The following ZSCAN25 variants were observed in gnomAD, a reference collection of about 807,000 sequenced individuals.
The protein encoded by ZSCAN25 is zinc finger and SCAN domain containing 25.
A neutral mutation model predicts 38.7 loss-of-function variants in ZSCAN25; 27 were observed. The ratio of observed to expected loss-of-function variants is 0.70; its 90% CI spans 0.51 to 0.96. The LOEUF (loss-of-function observed/expected upper bound fraction) is 0.96. Ranked by LOEUF, ZSCAN25 falls within the 40% of genes least tolerant of loss-of-function variation. ZSCAN25 has a pLI of 0.00. For missense variants in ZSCAN25, 637 were observed against 705.9 expected (o/e 0.90, Z 1.11); for synonymous variants, 273 against 277.7 (o/e 0.98, Z 0.17).
At chr7:99,655,988 A>G in the ZSCAN25 span, among the ~76,000 whole-genome samples, 1 of 152,206 alleles carries the variant, frequency 6.6e-6, no homozygotes, top group Non-Finnish European at 1.5e-5. Flanking sequence ...GGCTGAGACG[A>G]TGGGGTTTTC....
the ZSCAN25 span, among the ~76,000 whole-genome samples, chr7:99,642,053 C>G: frequency 6.6e-6 from 1 of 152,224 alleles, no homozygotes; most frequent in Non-Finnish European, 1.5e-5. Flanking sequence ...GTTTTGTTTT[C>G]AGCTCCTGTT....
chr7:99,737,511 C>T, the ZSCAN25 span, among the ~76,000 whole-genome samples: 52 of 152,030 alleles, frequency 3.4e-4, no homozygotes, highest in Non-Finnish European at 6.5e-4. Flanking sequence ...GTTGCCACAC[C>T]GAGAGGTGCA....
chr7:99,660,222 T>C, the ZSCAN25 span: 1 of 906,754 alleles, frequency 1.1e-6, no homozygotes, highest in Non-Finnish European at 1.3e-6. Context: ...TCCTTTTTTT[T>C]TTTTTTTTTT....
At chr7:99,710,714 C>T in the ZSCAN25 span, 2 of 1,613,758 alleles carry the variant, frequency 1.2e-6, no homozygotes, top group South Asian at 1.1e-5. Context: ...CCTCCTTCTC[C>T]ATGTACTGTC....
chr7:99,621,106 A>G, intron 4 of ZSCAN25: 1 of 305,718 alleles, frequency 3.3e-6, no homozygotes, highest in Non-Finnish European at 5.9e-6. Flanking sequence ...TCAGCAGGAT[A>G]ATATTTGGGC....
the ZSCAN25 span, among the ~76,000 whole-genome samples, chr7:99,718,386 G>A: frequency 6.6e-6 from 1 of 152,134 alleles, no homozygotes; most frequent in East Asian, 1.9e-4. Context: ...AGAAGAAAGA[G>A]ATAATTATTT....
chr7:99,622,602 C>G lies in ZSCAN25; in HGVS notation c.643C>G (p.Gln215Glu). ...PGLPAVNPRD[Q>E]EMAAGFFTAG... is the part of the protein sequence containing the mutation. ...CCTCCCCGCAGTGAATCCCAGAGAC[C>G]AAGAGATGGCAGCTGGGTTCTTTAC... The change falls in exon 6 of 8, where the codon CAA becomes GAA. Residue 215 changes from glutamine to glutamate, a missense_variant. By Grantham distance (29) the Gln-to-Glu change is conservative (BLOSUM62 2). Transcript: ENST00000394152. 4 of 1,614,182 alleles carry G rather than the reference C, an allele frequency of 2.5e-6. No individual in the cohort carries two copies. The highest frequency in any genetic ancestry group is 3.4e-6 in the Non-Finnish European group (4 of 1,180,026).
At chr7:99,637,879 A>G in the ZSCAN25 span, among the ~76,000 whole-genome samples, 1 of 152,232 alleles carries the variant, frequency 6.6e-6, no homozygotes, top group African/African-American at 2.4e-5. Context: ...AAACTGGACA[A>G]AAAAGGAAAA....
the ZSCAN25 span, chr7:99,638,632 A>G: frequency 6.3e-7 from 1 of 1,584,562 alleles, no homozygotes; most frequent in South Asian, 1.1e-5. Flanking sequence ...GTTGAAACCC[A>G]CAGTGGGAAT....
the ZSCAN25 span, chr7:99,709,163 C>T: frequency 7.4e-6 from 12 of 1,613,910 alleles, no homozygotes; most frequent in South Asian, 1.2e-4. Flanking sequence ...TTTTGCAGAC[C>T]CTCTCAAGTC....
the ZSCAN25 span, chr7:99,695,853 C>T: frequency 6.2e-7 from 1 of 1,610,312 alleles, no homozygotes; most frequent in African/African-American, 1.3e-5. Flanking sequence ...CAAACTGAAT[C>T]AGAAATCAGG....
chr7:99,712,787 C>G, the ZSCAN25 span, among the ~76,000 whole-genome samples: 2 of 152,130 alleles, frequency 1.3e-5, no homozygotes, highest in Non-Finnish European at 2.9e-5. Context: ...ATTGCCAAAT[C>G]TTGGTGGCTT....
At chr7:99,683,083 A>T in the ZSCAN25 span, among the ~76,000 whole-genome samples, 12 of 152,212 alleles carry the variant, frequency 7.9e-5, no homozygotes, top group African/African-American at 2.9e-4. Flanking sequence ...ATCATTTTCA[A>T]ATATCATTTC....
chr7:99,729,106 C>T, the ZSCAN25 span, among the ~76,000 whole-genome samples: 1 of 152,270 alleles, frequency 6.6e-6, no homozygotes, highest in East Asian at 1.9e-4. Context: ...TTTGGACCCA[C>T]CTGGACACTT....
chr7:99,713,588 A>T, the ZSCAN25 span: 1 of 1,611,478 alleles, frequency 6.2e-7, no homozygotes, highest in Non-Finnish European at 8.5e-7. Flanking sequence ...TGAAGTCAGA[A>T]GTTAATCAGA....
At chr7:99,622,477 A>C (rs1807063336) in intron 5 of ZSCAN25, 72 bp from the exon 6 acceptor site, 3 of 1,391,106 alleles carry the variant, frequency 2.2e-6, no homozygotes, top group Non-Finnish European at 3.1e-6. Flanking sequence ...GGTAGGGGAC[A>C]CATTTGAACG....
intron 6 of ZSCAN25, among the ~76,000 whole-genome samples, chr7:99,623,248 C>T (rs1380464936): frequency 6.6e-6 from 1 of 152,126 alleles, no homozygotes; most frequent in Non-Finnish European, 1.5e-5. Context: ...ACTTTCCTGT[C>T]CCCTAACCTC....
At chr7:99,620,144 T>C in intron 4 of ZSCAN25, 151 bp downstream of exon 4, 1 of 1,198,572 alleles carries the variant, frequency 8.3e-7, no homozygotes, top group Non-Finnish European at 1.1e-6. Context: ...TGGAGAGCAG[T>C]GGCGTTTTCA....
chr7:99,697,917 C>A, the ZSCAN25 span, among the ~76,000 whole-genome samples: 1 of 152,200 alleles, frequency 6.6e-6, no homozygotes, highest in Non-Finnish European at 1.5e-5. Context: ...TCTACACTTT[C>A]TAGAAGTTAC....
Sources: allele counts gnomAD v4.1 joint callset (sites outside exome capture counted in the v4.1 genomes callset), GRCh38; gene constraint gnomAD v4.1.1; transcripts MANE v1.5; gene names NCBI Gene and HGNC (gene_info 2026-07-23, HGNC 2026-07-21).